The following MGAT4C variants were observed in gnomAD, a reference collection of about 807,000 sequenced individuals.
MGAT4C encodes the protein alpha-1,3-mannosyl-glycoprotein 4-beta-N-acetylglucosaminyltransferase C.
In MGAT4C, 19 loss-of-function variants were observed where a neutral mutation model predicts 40.1. That is an observed-to-expected ratio of 0.47 (90% CI 0.33 to 0.70). The LOEUF (loss-of-function observed/expected upper bound fraction) is 0.70, where lower values mean the gene tolerates loss of function less well. Among genes scored for constraint, MGAT4C ranks in the 30% least tolerant of loss-of-function variants. MGAT4C has a pLI of 0.02. For synonymous variants in MGAT4C, 181 were observed against 187.1 expected (o/e 0.97, Z 0.27); for missense variants, 491 against 563.2 (o/e 0.87, Z 1.30).
At chr12:86,743,306 T>C (rs753992381) in intron 1 of MGAT4C, among the ~76,000 whole-genome samples, 1 of 151,580 alleles carries the variant, frequency 6.6e-6, no homozygotes, top group Non-Finnish European at 1.5e-5. Flanking sequence ...AGATAGATTA[T>C]ATACAAAGAA....
intron 1 of MGAT4C, among the ~76,000 whole-genome samples, chr12:86,190,949 A>G (rs1889330971): frequency 6.6e-6 from 1 of 152,082 alleles, no homozygotes; most frequent in Admixed American, 6.6e-5. Context: ...ATCATTTCCC[A>G]GTTTCCAGAC....
At chr12:86,534,597 G>A (rs1959039737) in intron 2 of MGAT4C, among the ~76,000 whole-genome samples, 1 of 151,982 alleles carries the variant, frequency 6.6e-6, no homozygotes, top group African/African-American at 2.4e-5. Flanking sequence ...TTATGAAGTA[G>A]ATTTTTGTCA....
intron 1 of MGAT4C, among the ~76,000 whole-genome samples, chr12:86,106,287 T>A (rs982727837): frequency 1.3e-5 from 2 of 152,110 alleles, no homozygotes; most frequent in African/African-American, 4.8e-5. Flanking sequence ...TAGTTTAGTT[T>A]AGTTTAGTTT....
chr12:86,354,365 A>T (rs1955256885), intron 3 of MGAT4C, among the ~76,000 whole-genome samples: 1 of 152,196 alleles, frequency 6.6e-6, no homozygotes, highest in Admixed American at 6.5e-5. Context: ...TATATAGAAG[A>T]ACTAGGCATA....
At chr12:86,161,495 A>T (rs1214395895) in intron 1 of MGAT4C, among the ~76,000 whole-genome samples, 1 of 152,170 alleles carries the variant, frequency 6.6e-6, no homozygotes, top group East Asian at 1.9e-4. Flanking sequence ...CACCATATAC[A>T]AAAATTAACT....
intron 2 of MGAT4C, among the ~76,000 whole-genome samples, chr12:85,990,283 A>T (rs1885739427): frequency 6.6e-6 from 1 of 152,118 alleles, no homozygotes; most frequent in Non-Finnish European, 1.5e-5. Context: ...ATTTAAAAAA[A>T]TTTTTACTCT....
chr12:86,120,254 G>T (rs927487875), intron 1 of MGAT4C, among the ~76,000 whole-genome samples: 7 of 151,290 alleles, frequency 4.6e-5, no homozygotes, highest in Non-Finnish European at 8.8e-5. Context: ...CTTTAAGTTC[G>T]AGGGTACATG....
chr12:86,157,059 T>C (rs2135787349), intron 1 of MGAT4C, among the ~76,000 whole-genome samples: 1 of 152,254 alleles, frequency 6.6e-6, no homozygotes, highest in Non-Finnish European at 1.5e-5. Context: ...CACTTCAAAA[T>C]TGGTAAGTAT....
rs143597188 is a variant in MGAT4C at position 86,594,692 on chromosome 12, A to C, written c.-229+132517T>G. Among the ~76,000 whole-genome samples the C allele has an allele frequency of 3.0e-3, 464 of 152,322 alleles. 2 individuals are homozygous for C. The highest frequency in any genetic ancestry group is 0.011 in the African/African-American group (440 of 41,580). On this transcript the variant is annotated intron_variant, in intron 2 of 7. Transcript: ENST00000548651. ...TGGAACAAAATAAAAATGATTCATGAAGCAGACCACTCTCAGATCCAAATC... is the reference window on the plus strand; with the variant it reads ...TGGAACAAAATAAAAATGATTCATGCAGCAGACCACTCTCAGATCCAAATC...
chr12:86,836,383 G>T (rs1953037005), intron 1 of MGAT4C, among the ~76,000 whole-genome samples: 1 of 151,886 alleles, frequency 6.6e-6, no homozygotes, highest in Admixed American at 6.6e-5. Context: ...TAAACTGGCT[G>T]ATTTAGGAGA....
intron 1 of MGAT4C, among the ~76,000 whole-genome samples, chr12:86,775,677 A>G (rs1951736336): frequency 6.6e-6 from 1 of 151,712 alleles, no homozygotes; most frequent in African/African-American, 2.4e-5. Flanking sequence ...TCACAGAAGC[A>G]CTGCTATTTA....
At chr12:86,603,183 T>C (rs1378673749) in intron 2 of MGAT4C, among the ~76,000 whole-genome samples, 1 of 146,838 alleles carries the variant, frequency 6.8e-6, no homozygotes, top group African/African-American at 2.5e-5. Flanking sequence ...GCATGATGAC[T>C]ATACTATATT....
intron 4 of MGAT4C, among the ~76,000 whole-genome samples, chr12:86,314,594 G>A (rs748229406): frequency 3.3e-5 from 5 of 152,220 alleles, no homozygotes; most frequent in Non-Finnish European, 7.3e-5. Context: ...CTTCAGTAAA[G>A]TTTTAGGATA....
At chr12:86,060,851 C>T (rs1893887941) in intron 1 of MGAT4C, among the ~76,000 whole-genome samples, 1 of 152,150 alleles carries the variant, frequency 6.6e-6, no homozygotes, top group Admixed American at 6.6e-5. Flanking sequence ...CTTGGTGCTC[C>T]TGGGGGACTG....
intron 1 of MGAT4C, among the ~76,000 whole-genome samples, chr12:86,192,842 T>G (rs932280902): frequency 6.6e-6 from 1 of 152,162 alleles, no homozygotes; most frequent in Non-Finnish European, 1.5e-5. Context: ...CAAATTTTCT[T>G]TAGGTATTTT....
intron 2 of MGAT4C, among the ~76,000 whole-genome samples, chr12:86,691,674 A>G (rs1167557234): frequency 6.6e-6 from 1 of 152,072 alleles, no homozygotes; most frequent in Non-Finnish European, 1.5e-5. Flanking sequence ...TATTATACAG[A>G]TTTTTCAATT....
At chr12:86,170,324 A>G (rs1286343692) in intron 1 of MGAT4C, among the ~76,000 whole-genome samples, 1 of 152,160 alleles carries the variant, frequency 6.6e-6, no homozygotes, top group Non-Finnish European at 1.5e-5. Context: ...CTCACCTCCT[A>G]GGATCATGTC....
intron 2 of MGAT4C, among the ~76,000 whole-genome samples, chr12:86,574,610 TTAA>T (rs1256227549): frequency 1.3e-5 from 2 of 151,916 alleles, no homozygotes; most frequent in East Asian, 1.9e-4. Context: ...TGTATAATAT[TTAA>T]TAATCTAGTT....
At chr12:86,056,514 C>T (rs1342459932) in intron 1 of MGAT4C, among the ~76,000 whole-genome samples, 6 of 152,074 alleles carry the variant, frequency 3.9e-5, no homozygotes, top group Non-Finnish European at 5.9e-5. Context: ...GTAGTTTGCT[C>T]AGAATGATGG....
Sources: gnomAD v4.1 joint callset for allele counts (sites outside exome capture counted in the v4.1 genomes callset) on GRCh38, gnomAD v4.1.1 for gene constraint, MANE v1.5 for transcripts, NCBI Gene and HGNC (gene_info 2026-07-23, HGNC 2026-07-21) for gene names.